ST8SIA4: variants seen among roughly 807,000 people sequenced by gnomAD.
The protein encoded by ST8SIA4 is ST8 alpha-N-acetyl-neuraminide alpha-2,8-sialyltransferase 4, also known as CMP-N-acetylneuraminate-poly-alpha-2,8-sialyltransferase.
ST8SIA4 carries 15 observed loss-of-function variants against 33.9 expected under a neutral mutation model. The observed-to-expected ratio is 0.44, with a 90% CI of 0.30 to 0.68. The LOEUF is 0.68. Among genes scored for constraint, ST8SIA4 ranks in the 30% least tolerant of loss-of-function variants. The probability of loss-of-function intolerance (pLI) is 0.10; values close to 1 mark genes in which losing one functional copy is unlikely to be tolerated. For missense variants in ST8SIA4, 321 were observed against 428.0 expected (o/e 0.75, Z 2.21); for synonymous variants, 171 against 151.2 (o/e 1.13, Z -0.96).
intron 4 of ST8SIA4, among the ~76,000 whole-genome samples, chr5:100,819,755 T>C (rs897643480): frequency 3.3e-5 from 5 of 152,174 alleles, no homozygotes; most frequent in Admixed American, 1.3e-4. Flanking sequence ...AAACCATTTA[T>C]AAAGAGAGAA....
At chr5:100,848,592 CAAAG>C (rs926752533) in intron 4 of ST8SIA4, among the ~76,000 whole-genome samples, 151 of 149,460 alleles carry the variant, frequency 1.0e-3, no homozygotes, top group African/African-American at 3.5e-3. Flanking sequence ...TGTGTGTTTA[CAAAG>C]AAAGTATATC....
chr5:100,822,006 A>C (rs767520224), intron 4 of ST8SIA4, among the ~76,000 whole-genome samples: 1 of 152,216 alleles, frequency 6.6e-6, no homozygotes, highest in Non-Finnish European at 1.5e-5. Flanking sequence ...AGACAATGAC[A>C]AGGTGGCAGG....
intron 4 of ST8SIA4, among the ~76,000 whole-genome samples, chr5:100,845,736 C>T (rs1358214033): frequency 6.6e-6 from 1 of 151,772 alleles, no homozygotes; most frequent in African/African-American, 2.4e-5. Context: ...ATTTATTTCC[C>T]CAGCTAAAAT....
At chr5:100,848,907 A>C (rs1263460836) in intron 4 of ST8SIA4, among the ~76,000 whole-genome samples, 1 of 150,138 alleles carries the variant, frequency 6.7e-6, no homozygotes, top group African/African-American at 2.4e-5. Context: ...CTATGTGTGT[A>C]TATATATTTC....
chr5:100,871,481 A>G (rs1040989346), intron 3 of ST8SIA4, among the ~76,000 whole-genome samples: 2 of 152,062 alleles, frequency 1.3e-5, no homozygotes, highest in Non-Finnish European at 2.9e-5. Flanking sequence ...AGACACTCCT[A>G]TCTGAGTGAT....
Position 100,902,832 on chromosome 5 carries a change from T to C in ST8SIA4, c.113+11A>G. The C allele has an allele frequency of 6.2e-7, 1 of 1,604,170 alleles. No homozygotes were observed. Among genetic ancestry groups the C allele is most frequent in the South Asian group, 1.1e-5 (1 of 90,864 alleles). ...TTTTTGTCATATCCTGAAATGAAGC[T>C]TTGCATTTACCCGATGAGTTGCGTC... On this transcript the variant is annotated intron_variant, in intron 1 of 4. Coordinates refer to ENST00000231461, the MANE Select transcript of ST8SIA4 (RefSeq NM_005668.6).
chr5:100,880,670 T>C (rs1355098411), intron 3 of ST8SIA4, among the ~76,000 whole-genome samples: 1 of 152,128 alleles, frequency 6.6e-6, no homozygotes, highest in Non-Finnish European at 1.5e-5. Flanking sequence ...TATTGTAGAG[T>C]TCTAATCAAG....
At chr5:100,855,654 A>T (rs775657179) in intron 4 of ST8SIA4, among the ~76,000 whole-genome samples, 2 of 152,226 alleles carry the variant, frequency 1.3e-5, no homozygotes, top group African/African-American at 2.4e-5. Context: ...AAGGCATTTT[A>T]TCGCAGCCAG....
chr5:100,891,326 A>G (rs1045042246), intron 2 of ST8SIA4, among the ~76,000 whole-genome samples: 1 of 152,046 alleles, frequency 6.6e-6, no homozygotes, highest in Non-Finnish European at 1.5e-5. Flanking sequence ...CCAGTTCACT[A>G]AAAGAAAATA....
chr5:100,901,753 T>G (rs1224662439), intron 1 of ST8SIA4, among the ~76,000 whole-genome samples: 1 of 152,188 alleles, frequency 6.6e-6, no homozygotes, highest in African/African-American at 2.4e-5. Flanking sequence ...TGCATCTTGC[T>G]CGCTTAAATA....
chr5:100,813,746 T>G lies in ST8SIA4; in HGVS notation c.798-1617A>C, dbSNP rs548452990. On this transcript the variant is annotated intron_variant, in intron 4 of 4. Coordinates refer to ENST00000231461, the MANE Select transcript of ST8SIA4 (RefSeq NM_005668.6). ...AAATAATGATTATAAGAAAGTATTGTGAATGTGATTTATGTGAAAGTATTG... is the reference window on the plus strand; with the variant it reads ...AAATAATGATTATAAGAAAGTATTGGGAATGTGATTTATGTGAAAGTATTG... Among the ~76,000 whole-genome samples the G allele has an allele frequency of 1.8e-4, 28 of 152,118 alleles. No individual in the cohort carries two copies. The South Asian group carries it at 5.0e-3, about 27-fold the overall frequency.
chr5:100,826,961 T>TACACAC lies in ST8SIA4; in HGVS notation c.798-14838_798-14833dup, dbSNP rs528367578. ...CTATTCAGATATATGTGTGTGTATA[T>TACACAC]ACACACACACACACACACACACACA... On this transcript the variant is annotated intron_variant, in intron 4 of 4. Transcript: ENST00000231461. 2.9e-3 allele frequency among the ~76,000 whole-genome samples: 428 copies of TACACAC among 147,522 alleles called. 3 individuals are homozygous for TACACAC. Among genetic ancestry groups the TACACAC allele is most frequent in the African/African-American group, 9.5e-3 (386 of 40,470 alleles).
chr5:100,838,186 C>T (rs1384534352), intron 4 of ST8SIA4, among the ~76,000 whole-genome samples: 3 of 151,970 alleles, frequency 2.0e-5, no homozygotes, highest in South Asian at 2.1e-4. Flanking sequence ...AGGTCTGCCT[C>T]ACCATAATCA....
Position 100,811,648 on chromosome 5 carries a change from C to T in ST8SIA4, c.*199G>A, listed in dbSNP as rs1414815450. ...TAGTGGAAGTGGCACTTACTAGGAC[C>T]CTTAAAGTCAAAATATTTAATTTTT... On this transcript the variant is annotated 3_prime_UTR_variant, in exon 5 of 5. Transcript: ENST00000231461. The T allele has an allele frequency of 5.3e-6, 3 of 563,110 alleles. No individual in the cohort carries two copies. The highest frequency in any genetic ancestry group is 6.2e-6 in the Non-Finnish European group (2 of 321,964). 34.9% of individuals were successfully genotyped at this position (563,110 alleles called of 1,614,324 possible).
intron 4 of ST8SIA4, among the ~76,000 whole-genome samples, chr5:100,844,020 G>A (rs535915930): frequency 7.6e-4 from 115 of 151,922 alleles, no homozygotes; most frequent in African/African-American, 2.7e-3. Context: ...AATTCTTCAC[G>A]GAATGTACAA....
At chr5:100,891,975 A>G (rs73162273) in intron 2 of ST8SIA4, among the ~76,000 whole-genome samples, 1,681 of 152,168 alleles carry the variant, frequency 0.011, 30 homozygotes, top group African/African-American at 0.036. Context: ...TTAAGCATAT[A>G]TAAATTTGCA....
At chr5:100,897,809 C>T (rs1167238803) in intron 1 of ST8SIA4, among the ~76,000 whole-genome samples, 1 of 152,154 alleles carries the variant, frequency 6.6e-6, no homozygotes, top group Non-Finnish European at 1.5e-5. Context: ...CATGCCTATG[C>T]ATGGCAAATA....
intron 2 of ST8SIA4, among the ~76,000 whole-genome samples, chr5:100,894,568 C>T (rs1752739292): frequency 1.3e-5 from 2 of 152,174 alleles, no homozygotes; most frequent in South Asian, 2.1e-4. Flanking sequence ...TCCTACATCG[C>T]CCTGATGCCC....
intron 4 of ST8SIA4, among the ~76,000 whole-genome samples, chr5:100,855,113 T>G (rs1231716147): frequency 6.6e-6 from 1 of 152,202 alleles, no homozygotes; most frequent in East Asian, 1.9e-4. Flanking sequence ...ATTCCATACG[T>G]TTACTGTGCA....
Sources: gnomAD v4.1 joint callset for allele counts (sites outside exome capture counted in the v4.1 genomes callset) on GRCh38, gnomAD v4.1.1 for gene constraint, MANE v1.5 for transcripts, NCBI Gene and HGNC (gene_info 2026-07-23, HGNC 2026-07-21) for gene names.